The following CDH13 variants were observed in gnomAD, a reference collection of about 807,000 sequenced individuals.
The protein encoded by CDH13 is cadherin-13.
CDH13 carries 24 observed loss-of-function variants against 63.8 expected under a neutral mutation model. The observed-to-expected ratio is 0.38, with a 90% CI of 0.27 to 0.53. CDH13 has a LOEUF of 0.53. Among genes scored for constraint, CDH13 ranks in the 20% least tolerant of loss-of-function variants. The pLI is 0.85. For missense variants in CDH13, 1,049 were observed against 903.1 expected, an observed-to-expected ratio of 1.16 and a Z score of -2.07; for synonymous variants, 503 against 355.3, an observed-to-expected ratio of 1.42 and a Z score of -4.67.
Position 82,888,046 on chromosome 16 carries a change from T to C in CDH13, c.157+29573T>C, listed in dbSNP as rs577019538. ...AAAGGGCTGTATGTCAGGTATTTAC[T>C]TGCTCATCTTGGTGGGTTTTGTTTG... On this transcript the variant is annotated intron_variant, in intron 2 of 13. Coordinates refer to ENST00000567109, the MANE Select transcript of CDH13 (RefSeq NM_001257.5). Among the ~76,000 whole-genome samples, 7 of 152,296 alleles carry C rather than the reference T, an allele frequency of 4.6e-5. 2 individuals are homozygous for C. The highest frequency in any genetic ancestry group is 1.7e-4 in the African/African-American group (7 of 41,566).
At chr16:82,672,171 T>G (rs1913328603) in intron 1 of CDH13, among the ~76,000 whole-genome samples, 1 of 152,214 alleles carries the variant, frequency 6.6e-6, no homozygotes, top group Non-Finnish European at 1.5e-5. Flanking sequence ...GTATACCTCT[T>G]AAGGCTCAGT....
intron 6 of CDH13, among the ~76,000 whole-genome samples, chr16:83,439,327 A>C (rs62040090): frequency 0.2 from 29,873 of 152,196 alleles, 3,266 homozygotes; most frequent in East Asian, 0.43. Flanking sequence ...CACCAGGAAC[A>C]CATCCGTAAT....
intron 2 of CDH13, among the ~76,000 whole-genome samples, chr16:82,922,668 C>T (rs1255213865): frequency 6.6e-6 from 1 of 152,130 alleles, no homozygotes; most frequent in African/African-American, 2.4e-5. Flanking sequence ...TTTTATGACC[C>T]ATGCCTGAAA....
At chr16:83,462,283 G>A (rs1014328589) in intron 6 of CDH13, among the ~76,000 whole-genome samples, 1 of 152,312 alleles carries the variant, frequency 6.6e-6, no homozygotes, top group Non-Finnish European at 1.5e-5. Flanking sequence ...TTTCAGCAGC[G>A]GGCAAGGAAA....
intron 1 of CDH13, chr16:82,825,344 T>C (rs897974436): frequency 6.6e-6 from 1 of 152,112 alleles, no homozygotes; most frequent in Non-Finnish European, 1.5e-5. Context: ...ACCAGGAAAA[T>C]ACCAGGAGTC....
At chr16:83,284,752 TGATA>T (rs1215956441) in intron 5 of CDH13, among the ~76,000 whole-genome samples, 8 of 152,062 alleles carry the variant, frequency 5.3e-5, no homozygotes, top group Non-Finnish European at 7.4e-5. Context: ...TAGTAATAAA[TGATA>T]GATATAAAAT....
At chr16:82,734,188 A>G (rs922751290) in intron 1 of CDH13, among the ~76,000 whole-genome samples, 1 of 152,260 alleles carries the variant, frequency 6.6e-6, no homozygotes, top group Non-Finnish European at 1.5e-5. Context: ...TTTCATGAAT[A>G]AAGTTCCATT....
intron 5 of CDH13, among the ~76,000 whole-genome samples, chr16:83,284,274 TCAAAG>T (rs1186540884): frequency 6.6e-6 from 1 of 152,196 alleles, no homozygotes; most frequent in Non-Finnish European, 1.5e-5. Flanking sequence ...ATCTGAGTAG[TCAAAG>T]CAGAGAGTTG....
chr16:82,823,315 C>CA (rs149971454), intron 1 of CDH13: 10,756 of 151,768 alleles, frequency 0.071, 476 homozygotes, highest in Middle Eastern at 0.12. Flanking sequence ...GGAGGTATGG[C>CA]AAAAAATATT....
At chr16:83,493,984 T>C (rs2074077799) in intron 7 of CDH13, among the ~76,000 whole-genome samples, 1 of 152,186 alleles carries the variant, frequency 6.6e-6, no homozygotes, top group Non-Finnish European at 1.5e-5. Flanking sequence ...TAAACCTCAG[T>C]CCGTAGGTAT....
chr16:83,473,417 A>G (rs2073514549), intron 6 of CDH13, among the ~76,000 whole-genome samples: 1 of 152,152 alleles, frequency 6.6e-6, no homozygotes, highest in South Asian at 2.1e-4. Flanking sequence ...GTGGTATTTC[A>G]CTATCCTGGC....
At chr16:82,820,342 A>G (rs1472840409) in intron 1 of CDH13, among the ~76,000 whole-genome samples, 2 of 152,320 alleles carry the variant, frequency 1.3e-5, no homozygotes, top group South Asian at 2.1e-4. Flanking sequence ...TGCCCTGGTA[A>G]TGCCTCAGAT....
At chr16:82,997,005 GTGATGGTGATGGTGA>G (rs1200528048) in intron 2 of CDH13, among the ~76,000 whole-genome samples, 1 of 143,488 alleles carries the variant, frequency 7.0e-6, no homozygotes, top group African/African-American at 2.9e-5. Context: ...GATGATGATA[GTGATGGTGATGGTGA>G]TGATGGTGAT....
At chr16:82,690,318 T>G (rs1915523397) in intron 1 of CDH13, among the ~76,000 whole-genome samples, 1 of 152,166 alleles carries the variant, frequency 6.6e-6, no homozygotes, top group Non-Finnish European at 1.5e-5. Context: ...GTGTCAACCC[T>G]AAAGCATTGC....
rs2073861349 is a variant in CDH13 at position 83,485,325 on chromosome 16, A to G, written c.782-1152A>G. Reference sequence around the variant, plus strand: ...GCTGCCCAATGGTCCTTGACAATGGATATACCAGTTTCCCTTTATATCAGC... The same window carrying G: ...GCTGCCCAATGGTCCTTGACAATGGGTATACCAGTTTCCCTTTATATCAGC... On this transcript the variant is annotated intron_variant, in intron 6 of 13. Transcript: ENST00000567109. Among the ~76,000 whole-genome samples, 3 of 152,208 alleles carry G rather than the reference A, an allele frequency of 2.0e-5. No homozygotes were observed. In the South Asian group the frequency reaches 6.2e-4, roughly 31 times the overall value.
intron 2 of CDH13, among the ~76,000 whole-genome samples, chr16:82,950,039 C>A (rs1402051630): frequency 6.6e-6 from 1 of 152,046 alleles, no homozygotes; most frequent in East Asian, 1.9e-4. Context: ...TGAGGTGTGT[C>A]TTAGTTCACT....
intron 5 of CDH13, among the ~76,000 whole-genome samples, chr16:83,310,640 A>G (rs1243082927): frequency 6.6e-6 from 1 of 152,062 alleles, no homozygotes. Flanking sequence ...CTTCCTTTTT[A>G]GTTATGTCTG....
At chr16:83,734,001 T>C (rs1911294319) in intron 10 of CDH13, among the ~76,000 whole-genome samples, 1 of 152,208 alleles carries the variant, frequency 6.6e-6, no homozygotes, top group African/African-American at 2.4e-5. Flanking sequence ...CTTTTTGCTC[T>C]TGTAATAAAG....
At chr16:82,659,305 C>T (rs1038406775) in intron 1 of CDH13, among the ~76,000 whole-genome samples, 4 of 151,346 alleles carry the variant, frequency 2.6e-5, no homozygotes, top group Non-Finnish European at 5.9e-5. Flanking sequence ...GGTAGAAACA[C>T]GTAACTCATA....
Sources: allele counts gnomAD v4.1 joint callset (sites outside exome capture counted in the v4.1 genomes callset), GRCh38; gene constraint gnomAD v4.1.1; transcripts MANE v1.5; gene names NCBI Gene and HGNC (gene_info 2026-07-23, HGNC 2026-07-21).